Variants in OTOGL observed in about 807,000 individuals in gnomAD.
OTOGL encodes otogelin-like protein.
In OTOGL, 285 loss-of-function variants were observed where a neutral mutation model predicts 318.5. The ratio of observed to expected loss-of-function variants is 0.89; its 90% confidence interval spans 0.81 to 0.99. The LOEUF (loss-of-function observed/expected upper bound fraction) is 0.99. Among genes scored for constraint, OTOGL ranks in the 50% least tolerant of loss-of-function variants. The pLI is 0.00. For missense variants in OTOGL, 2,899 were observed against 2,845.6 expected, an observed-to-expected ratio of 1.02 and a Z score of -0.43; for synonymous variants, 987 against 936.5, an observed-to-expected ratio of 1.05 and a Z score of -0.99.
At position 80,105,929 on chromosome 12, in the gene OTOGL, T is replaced by A. The variant is rs573832593; in HGVS notation, c.-20+6324T>A. On this transcript the variant is annotated intron_variant, in intron 1 of 58. Coordinates refer to ENST00000547103, the MANE Select transcript of OTOGL (RefSeq NM_001378609.3). ...AGATACTGGGAAAAAACATCAACCA[T>A]TTACGGATAAAAACGTTTCCATAAA... 2.5e-3 allele frequency among the ~76,000 whole-genome samples: 378 copies of A among 152,288 alleles called. 3 individuals are homozygous for A. Among genetic ancestry groups the A allele is most frequent in the African/African-American group, 8.8e-3 (365 of 41,576 alleles).
chr12:80,212,209 C>G (rs1019943480), intron 4 of OTOGL, among the ~76,000 whole-genome samples: 1 of 152,110 alleles, frequency 6.6e-6, no homozygotes, highest in African/African-American at 2.4e-5. Flanking sequence ...GAATAAAATA[C>G]ACATTTTTTT....
intron 1 of OTOGL, among the ~76,000 whole-genome samples, chr12:80,195,730 C>T (rs1293540268): frequency 6.6e-6 from 1 of 152,144 alleles, no homozygotes; most frequent in Non-Finnish European, 1.5e-5. Context: ...GAGCCAGCTC[C>T]TGGTGGCTCC....
intron 4 of OTOGL, among the ~76,000 whole-genome samples, chr12:80,215,942 C>T (rs1336533400): frequency 6.6e-6 from 1 of 152,138 alleles, no homozygotes; most frequent in Non-Finnish European, 1.5e-5. Flanking sequence ...GTATTGAGAA[C>T]AGGAGACAAT....
intron 1 of OTOGL, among the ~76,000 whole-genome samples, chr12:80,118,066 T>C (rs1040709991): frequency 6.6e-6 from 1 of 152,116 alleles, no homozygotes; most frequent in Non-Finnish European, 1.5e-5. Flanking sequence ...ACTTCTAATG[T>C]AGACTATTTT....
At chr12:80,205,388 T>G (rs1351097786) in intron 1 of OTOGL, among the ~76,000 whole-genome samples, 1 of 152,184 alleles carries the variant, frequency 6.6e-6, no homozygotes, top group African/African-American at 2.4e-5. Context: ...CTATAAAACA[T>G]AACACATTAA....
chr12:80,372,198 C>A (rs138139960), intron 57 of OTOGL, 134 bp downstream of exon 57: 3 of 559,830 alleles, frequency 5.4e-6, no homozygotes, highest in African/African-American at 3.9e-5. Context: ...ATTTTTGTAT[C>A]GTATGTTTTT....
At chr12:80,138,508 A>G (rs1486282561) in intron 1 of OTOGL, among the ~76,000 whole-genome samples, 1 of 152,136 alleles carries the variant, frequency 6.6e-6, no homozygotes, top group Non-Finnish European at 1.5e-5. Context: ...TCTCCAGGTT[A>G]ATAGGAATGG....
rs187215572 is a variant in OTOGL at position 80,315,786 on chromosome 12, A to G, written c.3634+1455A>G. On this transcript the variant is annotated intron_variant, in intron 32 of 58. Transcript: ENST00000547103. ...TATAGAAGTTTGATAGAGGAGGAAA[A>G]TTCAACATTAAAAAATATCTGTGGT... 4.2e-3 allele frequency among the ~76,000 whole-genome samples: 632 copies of G among 152,288 alleles called. 1 individual carries two copies. Among genetic ancestry groups the G allele is most frequent in the Non-Finnish European group, 6.2e-3 (420 of 67,998 alleles).
chr12:80,252,493 T>C (rs1881659112), intron 13 of OTOGL, among the ~76,000 whole-genome samples: 1 of 152,190 alleles, frequency 6.6e-6, no homozygotes, highest in Non-Finnish European at 1.5e-5. Flanking sequence ...TTTATATATC[T>C]TCACTTTTTA....
intron 5 of OTOGL, 36 bp from the exon 6 acceptor site, chr12:80,219,778 G>C: frequency 7.6e-7 from 1 of 1,316,406 alleles, no homozygotes; most frequent in Non-Finnish European, 1.1e-6. Flanking sequence ...ACAAATGGAT[G>C]CCAGAAGATA....
chr12:80,256,619 G>A (rs191868055), intron 17 of OTOGL, among the ~76,000 whole-genome samples, 159 bp downstream of exon 17: 31 of 152,264 alleles, frequency 2.0e-4, no homozygotes, highest in African/African-American at 7.2e-4. Flanking sequence ...GCTACAGATA[G>A]TGATGATGAT....
chr12:80,351,097 G>A (rs1454955957), intron 44 of OTOGL, among the ~76,000 whole-genome samples: 1 of 152,048 alleles, frequency 6.6e-6, no homozygotes, highest in Admixed American at 6.6e-5. Context: ...GTGAATTAAG[G>A]ATCTAATGTC....
At position 80,377,829 on chromosome 12, in the gene OTOGL, T is replaced by C. The variant is rs200247183; in HGVS notation, c.6862-19T>C. On this transcript the variant is annotated intron_variant, in intron 58 of 58. Coordinates refer to ENST00000547103, the MANE Select transcript of OTOGL (RefSeq NM_001378609.3). The stretch of plus-strand genomic sequence containing the variant: ...TTTTAAAAGTTTAAGACTTTTTTTC[T>C]CATTGTCACTTCTTACAGATAAATG... The C allele has an allele frequency of 5.1e-6, 8 of 1,572,368 alleles. No individual in the cohort carries two copies. Among genetic ancestry groups the C allele is most frequent in the East Asian group, 2.2e-5 (1 of 44,456 alleles).
At chr12:80,204,552 T>G (rs964485030) in intron 1 of OTOGL, among the ~76,000 whole-genome samples, 2 of 152,128 alleles carry the variant, frequency 1.3e-5, no homozygotes, top group Admixed American at 1.3e-4. Context: ...GTTGAAAAAG[T>G]AAGAAAGAAA....
chr12:80,150,802 C>T (rs536460139), intron 1 of OTOGL, among the ~76,000 whole-genome samples: 1 of 152,150 alleles, frequency 6.6e-6, no homozygotes, highest in South Asian at 2.1e-4. Flanking sequence ...CATTTCTGTA[C>T]CCTACTGTAA....
intron 1 of OTOGL, among the ~76,000 whole-genome samples, chr12:80,183,243 A>G (rs1875053495): frequency 6.6e-6 from 1 of 152,150 alleles, no homozygotes; most frequent in African/African-American, 2.4e-5. Context: ...CTGAGGTAGT[A>G]TGTTCTCTCT....
chr12:80,241,172 C>G (rs1880343016), intron 11 of OTOGL, among the ~76,000 whole-genome samples: 1 of 152,090 alleles, frequency 6.6e-6, no homozygotes, highest in South Asian at 2.1e-4. Context: ...ATAACTACTC[C>G]TCTCTAATTA....
intron 1 of OTOGL, among the ~76,000 whole-genome samples, chr12:80,129,952 C>A (rs1286517122): frequency 6.6e-6 from 1 of 152,188 alleles, no homozygotes; most frequent in East Asian, 1.9e-4. Context: ...TTGGTCATGG[C>A]TAAAAACCAT....
At chr12:80,105,546 A>G (rs1443039696) in intron 1 of OTOGL, among the ~76,000 whole-genome samples, 1 of 152,216 alleles carries the variant, frequency 6.6e-6, no homozygotes, top group Non-Finnish European at 1.5e-5. Flanking sequence ...CAGTATCTAA[A>G]TTGTTCTAAT....
Sources: gnomAD v4.1 joint callset for allele counts (sites outside exome capture counted in the v4.1 genomes callset) on GRCh38, gnomAD v4.1.1 for gene constraint, MANE v1.5 for transcripts, NCBI Gene and HGNC (gene_info 2026-07-23, HGNC 2026-07-21) for gene names.